Variants in DGKI observed in about 807,000 individuals in gnomAD.
DGKI encodes the protein diacylglycerol kinase iota, also known as DAG kinase iota.
In DGKI, 55 loss-of-function variants were observed where a neutral mutation model predicts 147.5. That is an observed-to-expected ratio of 0.37 (90% confidence interval 0.30 to 0.47). The LOEUF is 0.47. Among genes scored for constraint, DGKI ranks in the 20% least tolerant of loss-of-function variants. The pLI is 1.00. For synonymous variants in DGKI, 469 were observed against 477.1 expected (o/e 0.98, Z 0.22); for missense variants, 1,007 against 1,323.8 (o/e 0.76, Z 3.71).
At chr7:137,463,897 A>T (rs879557964) in intron 26 of DGKI, among the ~76,000 whole-genome samples, 1 of 152,228 alleles carries the variant, frequency 6.6e-6, no homozygotes, top group Non-Finnish European at 1.5e-5. Context: ...AGAAATGCAG[A>T]TTAGAAAATA....
chr7:137,649,708 G>C (rs140468565), intron 5 of DGKI, among the ~76,000 whole-genome samples: 16 of 151,000 alleles, frequency 1.1e-4, no homozygotes, highest in African/African-American at 3.6e-4. Context: ...AAAGAATTTA[G>C]TCACGTAAGC....
At chr7:137,687,881 A>G (rs1213013697) in intron 2 of DGKI, among the ~76,000 whole-genome samples, 1 of 152,170 alleles carries the variant, frequency 6.6e-6, no homozygotes, top group East Asian at 1.9e-4. Flanking sequence ...CTAAAATCAA[A>G]GAAAAGGGGA....
intron 3 of DGKI, among the ~76,000 whole-genome samples, chr7:137,667,198 C>T (rs758113621): frequency 2.4e-4 from 36 of 151,968 alleles, no homozygotes; most frequent in African/African-American, 6.3e-4. Flanking sequence ...TTGATATGCA[C>T]GCAAATATGG....
chr7:137,555,319 AG>A (rs1168009126), intron 19 of DGKI, among the ~76,000 whole-genome samples: 1 of 151,972 alleles, frequency 6.6e-6, no homozygotes, highest in Non-Finnish European at 1.5e-5. Context: ...TGAGGTCAGA[AG>A]TTCAAGACCA....
In DGKI at chr7:137,408,547, C is replaced by T. The variant is rs185515118; in HGVS notation, c.2800-552G>A. On this transcript the variant is annotated intron_variant, in intron 29 of 32. Coordinates refer to ENST00000614521, the MANE Select transcript of DGKI (RefSeq NM_001321708.2). ...ACATACACACGCATGCATGCATGCA[C>T]ACACACGAACACACATCTGGCTTCC... is the stretch of plus-strand genomic sequence containing the variant. Among the ~76,000 whole-genome samples, 394 of 152,266 alleles carry T rather than the reference C, an allele frequency of 2.6e-3. 1 individual carries two copies. The highest frequency in any genetic ancestry group is 8.9e-3 in the African/African-American group (371 of 41,558).
chr7:137,454,385 G>A (rs1814100364), intron 27 of DGKI, among the ~76,000 whole-genome samples: 1 of 152,076 alleles, frequency 6.6e-6, no homozygotes, highest in African/African-American at 2.4e-5. Context: ...AAATTTTACT[G>A]CCACCTACTG....
chr7:137,747,685 G>T (rs1012954656), intron 1 of DGKI, among the ~76,000 whole-genome samples: 2 of 152,050 alleles, frequency 1.3e-5, no homozygotes, highest in African/African-American at 4.8e-5. Flanking sequence ...CCAATTATTT[G>T]TTCAAGACAC....
chr7:137,689,856 C>A (rs769623859), intron 2 of DGKI, 38 bp downstream of exon 2: 10 of 1,319,880 alleles, frequency 7.6e-6, no homozygotes, highest in Middle Eastern at 1.9e-4. Flanking sequence ...ACAAAACATG[C>A]ACTGAAGTGA....
intron 1 of DGKI, among the ~76,000 whole-genome samples, chr7:137,787,036 T>C (rs1418234719): frequency 6.6e-6 from 1 of 151,996 alleles, no homozygotes; most frequent in African/African-American, 2.4e-5. Context: ...AAGACAACAT[T>C]GGAAAAACCC....
chr7:137,808,575 C>T (rs2116990088), intron 1 of DGKI, among the ~76,000 whole-genome samples: 1 of 152,324 alleles, frequency 6.6e-6, no homozygotes, highest in South Asian at 2.1e-4. Flanking sequence ...CTAGCCCCCA[C>T]TGTCCAGGCA....
intron 1 of DGKI, among the ~76,000 whole-genome samples, chr7:137,776,165 T>C (rs1796355529): frequency 6.6e-6 from 1 of 152,202 alleles, no homozygotes; most frequent in African/African-American, 2.4e-5. Flanking sequence ...GCTAAAAGTA[T>C]ATTCTTAAAT....
chr7:137,414,800 C>A (rs1485266843), intron 28 of DGKI, among the ~76,000 whole-genome samples: 1 of 152,070 alleles, frequency 6.6e-6, no homozygotes, highest in Non-Finnish European at 1.5e-5. Context: ...CAACTGGAGT[C>A]TAATTCTAAT....
intron 8 of DGKI, among the ~76,000 whole-genome samples, chr7:137,613,233 C>G (rs556062862): frequency 6.6e-6 from 1 of 152,102 alleles, no homozygotes; most frequent in African/African-American, 2.4e-5. Context: ...AAGTCTCCCC[C>G]CCATCATATA....
chr7:137,430,477 C>T (rs1030167414), intron 28 of DGKI, among the ~76,000 whole-genome samples: 1 of 151,634 alleles, frequency 6.6e-6, no homozygotes, highest in Non-Finnish European at 1.5e-5. Flanking sequence ...ATGGGTGCAG[C>T]ACACCAGCAT....
intron 19 of DGKI, among the ~76,000 whole-genome samples, chr7:137,570,958 G>C (rs1818773534): frequency 6.6e-6 from 1 of 152,242 alleles, no homozygotes; most frequent in South Asian, 2.1e-4. Context: ...AAAGTAAGAA[G>C]TGATACTCAT....
intron 28 of DGKI, among the ~76,000 whole-genome samples, chr7:137,431,429 T>C (rs1813068014): frequency 6.6e-6 from 1 of 152,114 alleles, no homozygotes; most frequent in African/African-American, 2.4e-5. Context: ...TTAAATAGTA[T>C]TTTGTTCCCT....
intron 1 of DGKI, among the ~76,000 whole-genome samples, chr7:137,739,217 G>A (rs1432898603): frequency 1.3e-5 from 2 of 152,044 alleles, no homozygotes; most frequent in Non-Finnish European, 2.9e-5. Context: ...AGTAACCTCA[G>A]CTTGCCAAGT....
chr7:137,415,999 C>A (rs1354136350), intron 28 of DGKI, among the ~76,000 whole-genome samples: 2 of 16,718 alleles, frequency 1.2e-4, no homozygotes, highest in African/African-American at 1.3e-4. Flanking sequence ...CAAAACCAAC[C>A]AACAAACAAA....
chr7:137,527,909 A>G (rs1342957164), intron 20 of DGKI, among the ~76,000 whole-genome samples: 1 of 152,196 alleles, frequency 6.6e-6, no homozygotes, highest in African/African-American at 2.4e-5. Flanking sequence ...TTATAAATAG[A>G]GTTTTATTAA....
Sources: allele counts gnomAD v4.1 joint callset (sites outside exome capture counted in the v4.1 genomes callset), GRCh38; gene constraint gnomAD v4.1.1; transcripts MANE v1.5; gene names NCBI Gene and HGNC (gene_info 2026-07-23, HGNC 2026-07-21).